Variants in ZNF831 observed in about 807,000 individuals in gnomAD.
ZNF831 encodes chromosome 20 open reading frame 174.
Under a neutral mutation model 95.8 loss-of-function variants are expected in ZNF831, and 59 were observed. The ratio of observed to expected loss-of-function variants is 0.62; its 90% CI spans 0.50 to 0.77. The LOEUF is 0.77. ZNF831 is among the 30% of genes least tolerant of loss of function. ZNF831 has a pLI of 0.00. For synonymous variants in ZNF831, 961 were observed against 925.5 expected, an observed-to-expected ratio of 1.04 and a Z score of -0.70; for missense variants, 2,205 against 2,164.0, an observed-to-expected ratio of 1.02 and a Z score of -0.38.
rs773418916 is a variant in ZNF831 at position 59,194,402 on chromosome 20, T to C, written c.3383T>C (p.Leu1128Pro). ...PLVGPDPCSP[L>P]QPGSFLTALT... ...GTGGGCCCCGACCCGTGTTCCCCCC[T>C]CCAGCCTGGCTCCTTCCTCACTGCC... The change falls in exon 2 of 6, where the codon CTC becomes CCC. Residue 1128 changes from leucine to proline, a missense_variant. By Grantham distance (98) the Leu-to-Pro change is moderately conservative. Transcript: ENST00000371030. The C allele has an allele frequency of 6.2e-7, 1 of 1,610,056 alleles. No homozygotes were observed. The highest frequency in any genetic ancestry group is 1.7e-5 in the Admixed American group (1 of 59,706).
rs187617673 is a variant in ZNF831 at position 59,215,976 on chromosome 20, G to A, written c.4027+8920G>A. On this transcript the variant is annotated intron_variant, in intron 4 of 5. Transcript: ENST00000371030. ...GCTAAAAAGAGATTTGGAAGTGTTA[G>A]GGAAGCATTCAAGATGCATTAGCAC... 2.2e-4 allele frequency among the ~76,000 whole-genome samples: 34 copies of A among 152,286 alleles called. No homozygotes were observed. In the East Asian group the frequency reaches 6.2e-3, roughly 28 times the overall value.
chr20:59,179,631 G>T (rs185023154), intron 1 of ZNF831, among the ~76,000 whole-genome samples: 1 of 152,028 alleles, frequency 6.6e-6, no homozygotes. Context: ...GCTGGATTTT[G>T]CCCCATCTCT....
At chr20:59,154,233 T>G (rs1378694677) in intron 2 of ZNF831, among the ~76,000 whole-genome samples, 1 of 152,168 alleles carries the variant, frequency 6.6e-6, no homozygotes, top group Non-Finnish European at 1.5e-5. Context: ...GGTTTTCCCA[T>G]GTAGGATTGG....
At chr20:59,134,357 A>G (rs1463995872) in intron 1 of ZNF831, among the ~76,000 whole-genome samples, 3 of 152,176 alleles carry the variant, frequency 2.0e-5, no homozygotes, top group Non-Finnish European at 2.9e-5. Flanking sequence ...CATCCTGCTC[A>G]TCACTGTCAC....
chr20:59,242,238 G>A (rs980410519), intron 4 of ZNF831, among the ~76,000 whole-genome samples: 3 of 152,158 alleles, frequency 2.0e-5, no homozygotes, highest in Non-Finnish European at 2.9e-5. Flanking sequence ...TATTGAAATG[G>A]ATCAATTTCT....
At chr20:59,159,272 TA>T (rs1483375738), upstream of ZNF831, among the ~76,000 whole-genome samples, 1 of 151,950 alleles carries the variant, frequency 6.6e-6, no homozygotes, top group Non-Finnish European at 1.5e-5. Context: ...AGCAACCCAG[TA>T]CCCCTTCCAT....
chr20:59,220,119 G>T (rs73618656), intron 4 of ZNF831, among the ~76,000 whole-genome samples: 1 of 152,148 alleles, frequency 6.6e-6, no homozygotes, highest in Non-Finnish European at 1.5e-5. Context: ...TCATATTTGA[G>T]TTGGAAGACC....
intron 4 of ZNF831, among the ~76,000 whole-genome samples, chr20:59,211,542 G>T (rs1464818130): frequency 6.6e-6 from 1 of 152,184 alleles, no homozygotes; most frequent in Non-Finnish European, 1.5e-5. Flanking sequence ...AATACCACTG[G>T]AAATCAAAGG....
intron 3 of ZNF831, among the ~76,000 whole-genome samples, chr20:59,196,349 T>A (rs260008): frequency 0.32 from 49,196 of 152,056 alleles, 9,547 homozygotes; most frequent in African/African-American, 0.55. Context: ...CAGAAAAATT[T>A]GACAATACAG....
At chr20:59,253,766 A>C in intron 5 of ZNF831, 132 bp from the exon 6 acceptor site, 6 of 990,246 alleles carry the variant, frequency 6.1e-6, no homozygotes, top group African/African-American at 3.3e-5. Context: ...GTCATATTGA[A>C]GTTCACCCTT....
At position 59,194,442 on chromosome 20, in the gene ZNF831, G is replaced by A. The variant is rs375107236; in HGVS notation, c.3423G>A (p.Gln1141=). The part of the protein sequence containing the change: ...GSFLTALTRP[Q]GVPPGWPELA... ...TCCTCACTGCCCTCACTCGGCCTCA[G>A]GGTGTGCCCCCAGGCTGGCCAGAGC... The change falls in exon 2 of 6, where the codon CAG becomes CAA. Residue 1141 remains glutamine, a synonymous_variant. Coordinates refer to ENST00000371030, the MANE Select transcript of ZNF831 (RefSeq NM_178457.3). 3.8e-5 allele frequency: 62 copies of A among 1,612,850 alleles called. No homozygotes were observed. In the Middle Eastern group the frequency reaches 4.9e-4, roughly 13 times the overall value.
chr20:59,210,320 T>C (rs1417035330), intron 4 of ZNF831, among the ~76,000 whole-genome samples: 1 of 152,188 alleles, frequency 6.6e-6, no homozygotes, highest in Admixed American at 6.5e-5. Flanking sequence ...CTGATAGCTA[T>C]GGGGCCCACT....
intron 1 of ZNF831, among the ~76,000 whole-genome samples, chr20:59,125,983 G>A (rs970551478): frequency 1.3e-4 from 19 of 151,386 alleles, no homozygotes; most frequent in Non-Finnish European, 2.1e-4. Context: ...CCCTTGGTGT[G>A]TTTGAGTTCA....
chr20:59,200,726 A>G (rs1984469404), intron 3 of ZNF831, among the ~76,000 whole-genome samples: 1 of 152,066 alleles, frequency 6.6e-6, no homozygotes, highest in Non-Finnish European at 1.5e-5. Flanking sequence ...AAACAGAATC[A>G]TACAATATAT....
intron 4 of ZNF831, among the ~76,000 whole-genome samples, chr20:59,252,659 C>T (rs1987952930): frequency 6.6e-6 from 1 of 152,150 alleles, no homozygotes; most frequent in Admixed American, 6.5e-5. Context: ...CTAAAATTTA[C>T]CTAAACAGAC....
chr20:59,214,078 G>A (rs193186456), intron 4 of ZNF831, among the ~76,000 whole-genome samples: 8 of 152,180 alleles, frequency 5.3e-5, no homozygotes, highest in East Asian at 3.9e-4. Flanking sequence ...AGAAATTCTC[G>A]TGCACAATAT....
chr20:59,235,972 T>C (rs1986975522), intron 4 of ZNF831, among the ~76,000 whole-genome samples: 2 of 152,228 alleles, frequency 1.3e-5, no homozygotes, highest in African/African-American at 2.4e-5. Flanking sequence ...ATTTTTAAGA[T>C]AGAATTTTTG....
At position 59,169,743 on chromosome 20, in the gene ZNF831, T is replaced by C. The variant is rs148552464; in HGVS notation, c.-37+5536T>C. Among the ~76,000 whole-genome samples, 404 of 152,072 alleles carry C rather than the reference T, an allele frequency of 2.7e-3. 6 individuals carry two copies. Among genetic ancestry groups the C allele is most frequent in the African/African-American group, 9.3e-3 (385 of 41,466 alleles). Reference sequence around the variant, plus strand: ...GATGAAACCCTATCTCTACTAAAAATACAAAAATTAGCCGGGCATGATGGC... The same window carrying C: ...GATGAAACCCTATCTCTACTAAAAACACAAAAATTAGCCGGGCATGATGGC... On this transcript the variant is annotated intron_variant, in intron 1 of 5. Coordinates refer to ENST00000371030, the MANE Select transcript of ZNF831 (RefSeq NM_178457.3). The surrounding 1 kb of genome is among the most constrained non-coding windows in gnomAD (Gnocchi z 4.1).
intron 3 of ZNF831, among the ~76,000 whole-genome samples, chr20:59,202,224 T>C (rs1984580093): frequency 6.6e-6 from 1 of 152,184 alleles, no homozygotes; most frequent in South Asian, 2.1e-4. Context: ...GTTCAATTGT[T>C]GATGTGAATT....
Sources: gnomAD v4.1 joint callset for allele counts (sites outside exome capture counted in the v4.1 genomes callset) on GRCh38, gnomAD v4.1.1 for gene constraint, Gnocchi (gnomAD v3.1) non-coding constraint, MANE v1.5 for transcripts, NCBI Gene and HGNC (gene_info 2026-07-23, HGNC 2026-07-21) for gene names.